Variants in NAALADL2 observed in about 807,000 individuals in gnomAD.
The protein encoded by NAALADL2 is inactive N-acetylated-alpha-linked acidic dipeptidase-like protein 2.
Under a neutral mutation model 87.2 loss-of-function variants are expected in NAALADL2, and 76 were observed. The observed-to-expected ratio is 0.87, with a 90% confidence interval of 0.72 to 1.05. The LOEUF (loss-of-function observed/expected upper bound fraction) is 1.05. Ranked by LOEUF, NAALADL2 falls within the 50% of genes least tolerant of loss-of-function variation. The pLI is 0.00. For synonymous variants in NAALADL2, 354 were observed against 331.0 expected (o/e 1.07, Z -0.75); for missense variants, 1,089 against 945.8 (o/e 1.15, Z -1.99).
chr3:175,548,907 A>G (rs1306462457), intron 9 of NAALADL2, among the ~76,000 whole-genome samples: 2 of 152,054 alleles, frequency 1.3e-5, no homozygotes, highest in African/African-American at 2.4e-5. Context: ...TAACAGAATC[A>G]AAGTTTCATA....
chr3:174,978,648 A>T (rs149913652), intron 1 of NAALADL2, among the ~76,000 whole-genome samples: 10 of 152,354 alleles, frequency 6.6e-5, no homozygotes, highest in African/African-American at 2.4e-4. Context: ...ATCGTGAAAA[A>T]CTTTGGAAGG....
intron 9 of NAALADL2, among the ~76,000 whole-genome samples, chr3:175,478,362 C>G (rs1726004777): frequency 6.6e-6 from 1 of 151,900 alleles, no homozygotes; most frequent in African/African-American, 2.4e-5. Flanking sequence ...GCAGGTTTAT[C>G]TATCTCCTGA....
chr3:174,927,043 A>T (rs1736161769), intron 1 of NAALADL2, among the ~76,000 whole-genome samples: 1 of 151,724 alleles, frequency 6.6e-6, no homozygotes, highest in African/African-American at 2.4e-5. Flanking sequence ...AAAAAAAAAA[A>T]GGCAGGGGTT....
chr3:174,950,337 T>A (rs1473551977), intron 1 of NAALADL2, among the ~76,000 whole-genome samples: 2 of 152,092 alleles, frequency 1.3e-5, no homozygotes, highest in African/African-American at 4.8e-5. Flanking sequence ...ATCTTGAGAA[T>A]CACAAATTTT....
intron 9 of NAALADL2, among the ~76,000 whole-genome samples, chr3:175,560,229 A>C (rs892089209): frequency 6.6e-6 from 1 of 152,218 alleles, no homozygotes; most frequent in African/African-American, 2.4e-5. Flanking sequence ...GTAGTTGATC[A>C]TAGTAGCCAC....
chr3:175,663,301 C>T (rs1732521877), intron 11 of NAALADL2, among the ~76,000 whole-genome samples: 1 of 151,628 alleles, frequency 6.6e-6, no homozygotes, highest in African/African-American at 2.4e-5. Context: ...CAGGAATTTA[C>T]TCATTTTTCT....
chr3:175,139,728 T>C (rs78025811), intron 2 of NAALADL2, among the ~76,000 whole-genome samples: 1,582 of 152,302 alleles, frequency 0.01, 25 homozygotes, highest in African/African-American at 0.036. Context: ...TTTCTTCTTA[T>C]ATTTGAAGAT....
At chr3:174,455,241 C>A (rs1715756350) in intron 1 of NAALADL2, among the ~76,000 whole-genome samples, 1 of 151,994 alleles carries the variant, frequency 6.6e-6, no homozygotes, top group African/African-American at 2.4e-5. Context: ...AATAAGTAGC[C>A]TACCAAACAA....
intron 9 of NAALADL2, among the ~76,000 whole-genome samples, chr3:175,525,348 G>C (rs1274067232): frequency 6.6e-6 from 1 of 152,004 alleles, no homozygotes; most frequent in African/African-American, 2.4e-5. Flanking sequence ...ATTATTTTAT[G>C]TTTTCTTCCT....
At chr3:175,012,236 C>T (rs1465380794) in intron 1 of NAALADL2, among the ~76,000 whole-genome samples, 1 of 152,194 alleles carries the variant, frequency 6.6e-6, no homozygotes, top group Non-Finnish European at 1.5e-5. Context: ...CCAGTCTGGG[C>T]TCACTGCAAC....
At position 174,847,486 on chromosome 3, in the gene NAALADL2, A is replaced by G. The variant is rs1229489079; in HGVS notation, c.-9+109740A>G. Among the ~76,000 whole-genome samples, 3 of 152,184 alleles carry G rather than the reference A, an allele frequency of 2.0e-5. No individual in the cohort carries two copies. In the East Asian group the frequency reaches 5.8e-4, roughly 29 times the overall value. On this transcript the variant is annotated intron_variant, in intron 3 of 3. Coordinates refer to the NAALADL2 transcript ENST00000434257. ...AATAAACTTTTAAAAAATAGGCTAA[A>G]CTCAGAAAATTTTATGTGCCATTAG...
intron 9 of NAALADL2, among the ~76,000 whole-genome samples, chr3:175,503,040 C>T (rs1418181436): frequency 6.6e-6 from 1 of 151,330 alleles, no homozygotes. Context: ...AGGTAATCTG[C>T]ATAGTACTGG....
intron 1 of NAALADL2, among the ~76,000 whole-genome samples, chr3:174,898,112 CAAAAAAAAAAAAAA>C (rs913382744): frequency 3.4e-4 from 5 of 14,498 alleles, no homozygotes; most frequent in Admixed American, 1.4e-3. Flanking sequence ...GACTCCGTCT[CAAAAAAAAAAAAAA>C]AAAAAAAAAA....
At chr3:174,506,766 G>A (rs1719231560) in intron 1 of NAALADL2, among the ~76,000 whole-genome samples, 1 of 151,996 alleles carries the variant, frequency 6.6e-6, no homozygotes, top group Non-Finnish European at 1.5e-5. Flanking sequence ...TGTGAAATTT[G>A]GTATGTCAGC....
At chr3:174,712,522 G>A (rs1464123411) in intron 2 of NAALADL2, among the ~76,000 whole-genome samples, 1 of 150,896 alleles carries the variant, frequency 6.6e-6, no homozygotes, top group Non-Finnish European at 1.5e-5. Context: ...CAAGTAGCTG[G>A]GACTACAGGC....
chr3:175,251,914 C>T lies in NAALADL2; in HGVS notation c.820-4497C>T, dbSNP rs60047210. Among the ~76,000 whole-genome samples, 216 of 152,246 alleles carry T rather than the reference C, an allele frequency of 1.4e-3. 1 individual carries two copies. The highest frequency in any genetic ancestry group is 4.8e-3 in the African/African-American group (199 of 41,532). On this transcript the variant is annotated intron_variant, in intron 3 of 13. Coordinates refer to ENST00000454872, the MANE Select transcript of NAALADL2 (RefSeq NM_207015.3). ...CATAAGCCAAAATAAATTGATACAA[C>T]GTTGTCTGTATTTAGAACTATTTTT...
At chr3:175,011,272 C>CAGAGAGAGAGAGAGAGAG (rs1408169414) in intron 1 of NAALADL2, among the ~76,000 whole-genome samples, 7 of 110,364 alleles carry the variant, frequency 6.3e-5, no homozygotes, top group African/African-American at 1.9e-4. Context: ...GGGAGAGAGA[C>CAGAGAGAGAGAGAGAGAG]AGAGAGACAG....
chr3:174,706,466 C>T (rs572666937), intron 2 of NAALADL2, among the ~76,000 whole-genome samples: 1 of 152,264 alleles, frequency 6.6e-6, no homozygotes, highest in East Asian at 1.9e-4. Flanking sequence ...TGTACAATAT[C>T]AAAATTAAAA....
intron 2 of NAALADL2, among the ~76,000 whole-genome samples, chr3:174,610,275 A>G (rs1015996943): frequency 6.6e-6 from 1 of 152,098 alleles, no homozygotes; most frequent in African/African-American, 2.4e-5. Flanking sequence ...CATGTCTCAA[A>G]CACCAAAAGC....
Sources: allele counts gnomAD v4.1 joint callset (sites outside exome capture counted in the v4.1 genomes callset), GRCh38; gene constraint gnomAD v4.1.1; transcripts MANE v1.5; gene names NCBI Gene and HGNC (gene_info 2026-07-23, HGNC 2026-07-21).